DNAH3: variants seen among roughly 807,000 people sequenced by gnomAD.
The protein encoded by DNAH3 is axonemal beta dynein heavy chain 3.
A neutral mutation model predicts 432.5 loss-of-function variants in DNAH3; 332 were observed. The ratio of observed to expected loss-of-function variants is 0.77; its 90% confidence interval spans 0.70 to 0.84. DNAH3 has a LOEUF of 0.84. DNAH3 is among the 40% of genes least tolerant of loss of function. DNAH3 has a pLI of 0.00. For synonymous variants in DNAH3, 1,956 were observed against 1,900.2 expected (o/e 1.03, Z -0.76); for missense variants, 4,861 against 5,114.0 (o/e 0.95, Z 1.51).
intron 1 of DNAH3, among the ~76,000 whole-genome samples, chr16:21,147,722 C>T (rs1011500731): frequency 2.0e-5 from 3 of 152,216 alleles, no homozygotes; most frequent in African/African-American, 7.2e-5. Flanking sequence ...TAAGGGTCAA[C>T]TTGTGGCTCC....
chr16:20,968,713 CCT>C (rs1394615530), intron 52 of DNAH3, among the ~76,000 whole-genome samples: 6 of 151,880 alleles, frequency 4.0e-5, no homozygotes, highest in East Asian at 1.9e-4. Flanking sequence ...GCCGTCTCTG[CCT>C]CTCTTTGCCC....
intron 19 of DNAH3, among the ~76,000 whole-genome samples, chr16:21,081,979 T>C (rs1019580160): frequency 6.6e-6 from 1 of 152,120 alleles, no homozygotes; most frequent in Non-Finnish European, 1.5e-5. Flanking sequence ...AGCTCACTGC[T>C]GCTTTGACCT....
At chr16:21,092,904 C>T (rs1045849184) in intron 18 of DNAH3, among the ~76,000 whole-genome samples, 1 of 152,002 alleles carries the variant, frequency 6.6e-6, no homozygotes, top group Non-Finnish European at 1.5e-5. Flanking sequence ...CATTAAGGAA[C>T]TACAAATTAA....
intron 12 of DNAH3, among the ~76,000 whole-genome samples, chr16:21,112,524 C>A (rs2092099952): frequency 6.6e-6 from 1 of 152,136 alleles, no homozygotes; most frequent in African/African-American, 2.4e-5. Flanking sequence ...GTGGAAACCC[C>A]TGATAAACCA....
chr16:21,049,443 C>T (rs2089860382), intron 31 of DNAH3, 126 bp downstream of exon 31: 1 of 683,748 alleles, frequency 1.5e-6, no homozygotes, highest in Admixed American at 2.8e-5. Flanking sequence ...CACTGAGTAC[C>T]TGCTTTGGAG....
intron 52 of DNAH3, among the ~76,000 whole-genome samples, chr16:20,969,503 T>C (rs957260729): frequency 6.6e-6 from 1 of 152,248 alleles, no homozygotes; most frequent in Non-Finnish European, 1.5e-5. Context: ...AAGCCTTTTG[T>C]CTACCTGACC....
At chr16:21,078,258 A>G (rs979532530) in intron 20 of DNAH3, among the ~76,000 whole-genome samples, 8 of 145,756 alleles carry the variant, frequency 5.5e-5, no homozygotes, top group Non-Finnish European at 9.0e-5. Flanking sequence ...CTGGGCAACA[A>G]GAGTAAAATT....
chr16:21,154,975 A>T, intron 1 of DNAH3, among the ~76,000 whole-genome samples: 1 of 137,870 alleles, frequency 7.3e-6, no homozygotes. Context: ...TTTGAGATGG[A>T]ATCTTGCTCT....
At chr16:21,117,821 C>A (rs2092242241) in intron 11 of DNAH3, among the ~76,000 whole-genome samples, 2 of 152,088 alleles carry the variant, frequency 1.3e-5, no homozygotes, top group Non-Finnish European at 2.9e-5. Context: ...GGTAAGTGCT[C>A]AAAAAATACT....
chr16:20,948,399 C>G, intron 57 of DNAH3, 84 bp downstream of exon 57: 1 of 1,423,446 alleles, frequency 7.0e-7, no homozygotes, highest in South Asian at 1.3e-5. Context: ...CCTGGGATCC[C>G]TGGCTACACT....
rs186488772 is a variant in DNAH3 at position 21,008,425 on chromosome 16, G to A, written c.6023-5218C>T. ...CTCAGTTACCCTTGCTGGAAAATCT[G>A]AGCACTGTACCCTCTCTCTGAAATC... On this transcript the variant is annotated intron_variant, in intron 41 of 61. Coordinates refer to ENST00000261383, the Ensembl canonical transcript of DNAH3. Among the ~76,000 whole-genome samples, 360 of 152,172 alleles carry A rather than the reference G, an allele frequency of 2.4e-3. 7 individuals carry two copies. The highest frequency in any genetic ancestry group is 8.8e-4 in the Non-Finnish European group (60 of 67,986).
chr16:20,941,321 A>G, intron 59 of DNAH3, 80 bp downstream of exon 59: 7 of 1,565,514 alleles, frequency 4.5e-6, no homozygotes, highest in Non-Finnish European at 6.1e-6. Flanking sequence ...CTGCATAGCA[A>G]CCCCTTCTCA....
intron 41 of DNAH3, among the ~76,000 whole-genome samples, chr16:21,006,715 C>T (rs1481289233): frequency 6.6e-6 from 1 of 152,146 alleles, no homozygotes; most frequent in Non-Finnish European, 1.5e-5. Context: ...TGAGACCAGG[C>T]CTAGCTGTCA....
chr16:21,012,027 C>A (rs2087627135), intron 41 of DNAH3, among the ~76,000 whole-genome samples: 1 of 152,112 alleles, frequency 6.6e-6, no homozygotes, highest in African/African-American at 2.4e-5. Context: ...GTGTTGGAGC[C>A]AGGATCCGAA....
At chr16:20,964,106 T>C (rs2084944427) in exon 53 of DNAH3, 1 of 1,614,214 alleles carries the variant, frequency 6.2e-7, no homozygotes, top group Non-Finnish European at 8.5e-7. Context: ...AGAACTTTGA[T>C]GGCGGTTTCA....
chr16:21,135,628 C>T lies in DNAH3; in HGVS notation c.886+696G>A, dbSNP rs139883533. On this transcript the variant is annotated intron_variant, in intron 6 of 61. Coordinates refer to ENST00000261383, the Ensembl canonical transcript of DNAH3. ...GAATTGCGTGAACCCAGGGGTCCGC[C>T]CAGGTAGGTCTTGAAATCCTGACCA... Among the ~76,000 whole-genome samples, 5 of 151,890 alleles carry T rather than the reference C, an allele frequency of 3.3e-5. 1 individual carries two copies. Among genetic ancestry groups the T allele is most frequent in the African/African-American group, 1.2e-4 (5 of 41,470 alleles).
At chr16:20,946,810 T>A (rs1033287962) in intron 57 of DNAH3, among the ~76,000 whole-genome samples, 13 of 148,122 alleles carry the variant, frequency 8.8e-5, no homozygotes, top group Admixed American at 4.2e-4. Flanking sequence ...GCCTTTCTGA[T>A]TGTGAGTCCT....
chr16:21,097,549 C>A (rs766776827), intron 17 of DNAH3, 50 bp from the exon 18 acceptor site: 4 of 1,603,796 alleles, frequency 2.5e-6, no homozygotes, highest in Non-Finnish European at 2.5e-6. Flanking sequence ...TTCTCCTAAG[C>A]CCTCGAAGAC....
chr16:21,153,738 C>T (rs910705697), intron 1 of DNAH3, among the ~76,000 whole-genome samples: 23 of 152,226 alleles, frequency 1.5e-4, no homozygotes, highest in Admixed American at 7.2e-4. Context: ...AAACTCCAGA[C>T]GCGCTACCTT....
Sources: allele counts gnomAD v4.1 joint callset (sites outside exome capture counted in the v4.1 genomes callset), GRCh38; gene constraint gnomAD v4.1.1; transcripts MANE v1.5; gene names NCBI Gene and HGNC (gene_info 2026-07-23, HGNC 2026-07-21).